Variants in PRKDC observed in about 807,000 individuals in gnomAD.
PRKDC encodes the protein DNA-dependent protein kinase catalytic subunit.
PRKDC carries 82 observed loss-of-function variants against 486.9 expected under a neutral mutation model. That is an observed-to-expected ratio of 0.17 (90% CI 0.14 to 0.20). PRKDC has a LOEUF of 0.20. PRKDC is among the 10% of genes least tolerant of loss of function. The probability of loss-of-function intolerance (pLI) is 1.00; values close to 1 mark genes in which losing one functional copy is unlikely to be tolerated. For synonymous variants in PRKDC, 1,895 were observed against 1,837.0 expected, an observed-to-expected ratio of 1.03 and a Z score of -0.81; for missense variants, 4,504 against 5,038.2, an observed-to-expected ratio of 0.89 and a Z score of 3.21.
At position 47,773,404 on chromosome 8, in the gene PRKDC, A is replaced by C. The variant is rs911181532; in HGVS notation, c.*769T>G. 4.7e-6 allele frequency: 1 copy of C among 214,764 alleles called. No homozygotes were observed. Among genetic ancestry groups the C allele is most frequent in the African/African-American group, 2.3e-5 (1 of 44,304 alleles). The allele number at this position is 214,764 out of a possible 1,614,324, so 13.3% of individuals were successfully genotyped here. ...TTATTCTCCTGGAACTGAAATGCTT[A>C]GTACTATCCCTAACAACAACCATGG... On this transcript the variant is annotated 3_prime_UTR_variant, in exon 86 of 86. Transcript: ENST00000314191.
Position 47,909,213 on chromosome 8 carries a change from C to G in PRKDC, c.2934+3197G>C, listed in dbSNP as rs544168927. On this transcript the variant is annotated intron_variant, in intron 25 of 85. Transcript: ENST00000314191. ...AGTCAGGGACCCCACACGGAGGGAC[C>G]GGTTGGAGCCGAGGCAGAAGAACGT... is the stretch of plus-strand genomic sequence containing the variant. Among the ~76,000 whole-genome samples, 31 of 152,242 alleles carry G rather than the reference C, an allele frequency of 2.0e-4. 1 individual carries two copies. The highest frequency in any genetic ancestry group is 3.4e-3 in the Middle Eastern group (1 of 294).
chr8:47,905,055 C>G, intron 25 of PRKDC, 79 bp from the exon 26 acceptor site: 3 of 1,032,868 alleles, frequency 2.9e-6, no homozygotes, highest in Non-Finnish European at 4.4e-6. Flanking sequence ...ATTTAAATGC[C>G]ATTTGCAGTA....
intron 54 of PRKDC, among the ~76,000 whole-genome samples, chr8:47,843,326 C>A (rs2088193999): frequency 6.6e-6 from 1 of 151,986 alleles, no homozygotes; most frequent in South Asian, 2.1e-4. Context: ...TCCTTCAAAT[C>A]AACCCAGTCA....
chr8:47,783,349 G>A lies in PRKDC; in HGVS notation c.11175+393C>T, dbSNP rs886991206. ...CACACCTGTAATCCCAGCACTTTGC[G>A]GAGGCGGAGGTGGATGGATCATGAG... is the stretch of plus-strand genomic sequence containing the variant. On this transcript the variant is annotated intron_variant, in intron 78 of 85. Coordinates refer to ENST00000314191, the MANE Select transcript of PRKDC (RefSeq NM_006904.7). Among the ~76,000 whole-genome samples, 4 of 151,364 alleles carry A rather than the reference G, an allele frequency of 2.6e-5. No individual in the cohort carries two copies. The East Asian group carries it at 5.8e-4, about 22-fold the overall frequency.
intron 9 of PRKDC, among the ~76,000 whole-genome samples, 187 bp from the exon 10 acceptor site, chr8:47,943,553 T>C: frequency 6.6e-6 from 1 of 152,216 alleles, no homozygotes. Context: ...ATAACTTGGC[T>C]GACAAATCCC....
chr8:47,942,004 C>G (rs146626497), intron 10 of PRKDC, among the ~76,000 whole-genome samples: 3 of 152,294 alleles, frequency 2.0e-5, no homozygotes, highest in African/African-American at 7.2e-5. Flanking sequence ...TGCAGGCCCA[C>G]GCCCCACCCA....
intron 19 of PRKDC, among the ~76,000 whole-genome samples, 168 bp from the exon 20 acceptor site, chr8:47,928,058 T>C (rs1031827601): frequency 1.3e-5 from 2 of 152,072 alleles, no homozygotes; most frequent in Non-Finnish European, 2.9e-5. Flanking sequence ...AGTTAATTTG[T>C]CGAAATGCTT....
intron 54 of PRKDC, 37 bp downstream of exon 54, chr8:47,849,117 C>T (rs761551671): frequency 6.2e-7 from 1 of 1,603,866 alleles, no homozygotes; most frequent in South Asian, 1.1e-5. Context: ...GCTTTATGAG[C>T]CAGTGGGACC....
At chr8:47,830,557 G>A (rs1304299041) in intron 61 of PRKDC, 48 bp downstream of exon 61, 2 of 1,600,866 alleles carry the variant, frequency 1.2e-6, no homozygotes. Context: ...CCCTGAACTG[G>A]AAACAGATTT....
intron 49 of PRKDC, among the ~76,000 whole-genome samples, chr8:47,856,040 A>G (rs1212015841): frequency 1.3e-5 from 2 of 152,144 alleles, no homozygotes. Context: ...AGCTACATCA[A>G]TCTCTTTCAA....
At chr8:47,922,991 A>G (rs2090096913) in intron 21 of PRKDC, among the ~76,000 whole-genome samples, 1 of 152,166 alleles carries the variant, frequency 6.6e-6, no homozygotes, top group African/African-American at 2.4e-5. Context: ...TTTTTAGCAA[A>G]GGTCACTTAA....
chr8:47,910,680 T>C (rs1391052930), intron 25 of PRKDC, among the ~76,000 whole-genome samples: 1 of 152,222 alleles, frequency 6.6e-6, no homozygotes, highest in Non-Finnish European at 1.5e-5. Flanking sequence ...TAAAATTAAT[T>C]CTGGATTTTT....
At chr8:47,943,139 A>G in intron 10 of PRKDC, 70 bp downstream of exon 10, 1 of 1,490,080 alleles carries the variant, frequency 6.7e-7, no homozygotes, top group Non-Finnish European at 9.1e-7. Flanking sequence ...TCAAACATGC[A>G]TGCATGCAAA....
intron 68 of PRKDC, among the ~76,000 whole-genome samples, chr8:47,811,977 C>T (rs2087337662): frequency 6.6e-6 from 1 of 150,770 alleles, no homozygotes; most frequent in Admixed American, 6.6e-5. Flanking sequence ...AATTCCATCA[C>T]AAAAAAAAAG....
intron 77 of PRKDC, among the ~76,000 whole-genome samples, chr8:47,784,530 AACCAGATT>A (rs1419085451): frequency 2.0e-5 from 3 of 152,360 alleles, no homozygotes; most frequent in Admixed American, 6.5e-5. Flanking sequence ...GAATATGAAC[AACCAGATT>A]AAAACTTTTT....
rs36103307 is a variant in PRKDC, at chr8:47,890,129, T to TATAATA, written c.4071+122_4071+127dup. 2,417 of 361,782 alleles carry TATAATA rather than the reference T, an allele frequency of 6.7e-3. 9 individuals are homozygous for TATAATA. The highest frequency in any genetic ancestry group is 7.5e-3 in the African/African-American group (334 of 44,488). The allele number at this position is 361,782 out of a possible 1,614,324, so 22.4% of individuals were successfully genotyped here. A position where few individuals can be genotyped will look rare whatever the true frequency, so the allele number is the denominator to read the frequency against. ...GAAAAGCTGGGTTGAGAGGATGAAA[T>TATAATA]ATAATAATAATAATAATAATAATAA... On this transcript the variant is annotated intron_variant, in intron 32 of 85. Transcript: ENST00000314191.
intron 54 of PRKDC, among the ~76,000 whole-genome samples, chr8:47,844,703 G>A (rs900399586): frequency 2.3e-4 from 35 of 151,812 alleles, no homozygotes; most frequent in African/African-American, 7.5e-4. Flanking sequence ...TCAGACCACA[G>A]TACAATAAAA....
chr8:47,932,100 T>A (rs867158876), intron 16 of PRKDC, among the ~76,000 whole-genome samples: 5 of 150,130 alleles, frequency 3.3e-5, no homozygotes, highest in African/African-American at 1.2e-4. Flanking sequence ...TTTGTTTGTT[T>A]TGAGACAGAG....
chr8:47,864,425 T>C (rs1437413169), intron 41 of PRKDC, 131 bp downstream of exon 41: 9 of 779,276 alleles, frequency 1.2e-5, no homozygotes, highest in East Asian at 2.8e-5. Context: ...GCAGATCCCA[T>C]GTAGCCACAG....
Sources: allele counts gnomAD v4.1 joint callset (sites outside exome capture counted in the v4.1 genomes callset), GRCh38; gene constraint gnomAD v4.1.1; transcripts MANE v1.5; gene names NCBI Gene and HGNC (gene_info 2026-07-23, HGNC 2026-07-21).